Variants in PLXNA4 observed in about 807,000 individuals in gnomAD.
PLXNA4 encodes the protein plexin A4, also known as plexin-A4.
In PLXNA4, 44 loss-of-function variants were observed where a neutral mutation model predicts 191.8. The ratio of observed to expected loss-of-function variants is 0.23; its 90% CI spans 0.18 to 0.29. The LOEUF (loss-of-function observed/expected upper bound fraction) is 0.29. Ranked by LOEUF, PLXNA4 falls within the 10% of genes least tolerant of loss-of-function variation. PLXNA4 has a pLI of 1.00. For synonymous variants in PLXNA4, 1,082 were observed against 1,009.5 expected (o/e 1.07, Z -1.36); for missense variants, 1,800 against 2,488.8 (o/e 0.72, Z 5.89).
At chr7:132,462,497 T>C (rs10274066) in intron 3 of PLXNA4, among the ~76,000 whole-genome samples, 21,363 of 152,086 alleles carry the variant, frequency 0.14, 2,005 homozygotes, top group East Asian at 0.29. Context: ...AAAGTAGAGA[T>C]GAAAACATAA....
At chr7:132,312,361 G>A (rs1801778433) in intron 3 of PLXNA4, among the ~76,000 whole-genome samples, 1 of 152,088 alleles carries the variant, frequency 6.6e-6, no homozygotes, top group Non-Finnish European at 1.5e-5. Flanking sequence ...CCAGCTCTGA[G>A]GCACTGAGCA....
At chr7:132,196,708 C>T (rs945926400) in intron 13 of PLXNA4, among the ~76,000 whole-genome samples, 15 of 152,184 alleles carry the variant, frequency 9.9e-5, no homozygotes, top group African/African-American at 3.6e-4. Flanking sequence ...AAGTTTGTCC[C>T]AATTTCCCCT....
chr7:132,432,810 A>G (rs1249023678), intron 3 of PLXNA4, among the ~76,000 whole-genome samples: 2 of 152,252 alleles, frequency 1.3e-5, no homozygotes, highest in Admixed American at 6.5e-5. Context: ...CAAAGCCCCC[A>G]AAAGTAAAGG....
intron 4 of PLXNA4, among the ~76,000 whole-genome samples, chr7:132,241,961 C>G (rs1798893154): frequency 6.6e-6 from 1 of 152,186 alleles, no homozygotes. Flanking sequence ...CCTACATGCT[C>G]TTAAATATCT....
chr7:132,502,136 C>T (rs1257776499), intron 2 of PLXNA4, among the ~76,000 whole-genome samples: 2 of 152,196 alleles, frequency 1.3e-5, no homozygotes, highest in African/African-American at 2.4e-5. Flanking sequence ...CTGGCCATTC[C>T]GGATGCTCAC....
At chr7:132,581,523 C>T (rs1802402158), upstream of PLXNA4, among the ~76,000 whole-genome samples, 1 of 152,250 alleles carries the variant, frequency 6.6e-6, no homozygotes, top group Non-Finnish European at 1.5e-5. Flanking sequence ...CCATTTCATT[C>T]ACCACAAGTA....
chr7:132,227,601 C>T lies in PLXNA4; in HGVS notation c.1732G>A (p.Val578Ile). ...TCCGGGACATTGTACGTCTCCAGGA[C>T]CAGCTGTGAACAGCCAGGCGGGGGG... Reference protein sequence around the residue: ...ISVSQYNVLLVLETYNVPELS... With the variant: ...ISVSQYNVLLILETYNVPELS... The change falls in exon 7 of 32, where the codon GTC becomes ATC. Residue 578 changes from valine to isoleucine, a missense_variant. Transcript: ENST00000321063. The T allele has an allele frequency of 6.2e-7, 1 of 1,613,976 alleles. No individual in the cohort carries two copies. Among genetic ancestry groups the T allele is most frequent in the East Asian group, 2.2e-5 (1 of 44,862 alleles).
chr7:132,242,304 CTA>C (rs1207879872), intron 4 of PLXNA4, among the ~76,000 whole-genome samples: 1 of 152,104 alleles, frequency 6.6e-6, no homozygotes, highest in Non-Finnish European at 1.5e-5. Context: ...GCACAGAAAA[CTA>C]TAAACTGTGC....
At position 132,218,835 on chromosome 7, in the gene PLXNA4, A is replaced by G. The variant is rs1798051732; in HGVS notation, c.2097+4692T>C. ...TAACTGGAATATAGTTACTATAAAC[A>G]ACATATGTTATTGGGCATTCTATTT... On this transcript the variant is annotated intron_variant, in intron 9 of 31. Coordinates refer to ENST00000321063, the MANE Select transcript of PLXNA4 (RefSeq NM_020911.2). Among the ~76,000 whole-genome samples, 3 of 152,346 alleles carry G rather than the reference A, an allele frequency of 2.0e-5. No homozygotes were observed. In the South Asian group the frequency reaches 6.2e-4, roughly 32 times the overall value.
chr7:132,630,501 T>C (rs182266518), intron 2 of PLXNA4, among the ~76,000 whole-genome samples: 8 of 151,910 alleles, frequency 5.3e-5, no homozygotes, highest in East Asian at 3.9e-4. Context: ...TTGTCCACTT[T>C]GGGTTTTTTT....
intron 4 of PLXNA4, among the ~76,000 whole-genome samples, chr7:132,279,557 C>T (rs1800401464): frequency 6.6e-6 from 1 of 152,034 alleles, no homozygotes; most frequent in Non-Finnish European, 1.5e-5. Flanking sequence ...GTTGCTTGAG[C>T]CCGGTGGGGT....
At chr7:132,380,408 A>T (rs563792145) in intron 3 of PLXNA4, among the ~76,000 whole-genome samples, 3 of 152,130 alleles carry the variant, frequency 2.0e-5, no homozygotes, top group Admixed American at 6.6e-5. Flanking sequence ...CTGGTCCCTG[A>T]CATGGCTGTG....
chr7:132,369,034 C>G (rs1011496717), intron 3 of PLXNA4, among the ~76,000 whole-genome samples: 1 of 152,210 alleles, frequency 6.6e-6, no homozygotes, highest in Admixed American at 6.5e-5. Context: ...CCGCACACCT[C>G]CACATTTGAG....
At chr7:132,335,626 G>C (rs1802788501) in intron 3 of PLXNA4, among the ~76,000 whole-genome samples, 1 of 152,210 alleles carries the variant, frequency 6.6e-6, no homozygotes, top group African/African-American at 2.4e-5. Flanking sequence ...TCCATGAAAT[G>C]ACGAGTTTCT....
intron 4 of PLXNA4, among the ~76,000 whole-genome samples, chr7:132,249,706 G>A (rs1332528108): frequency 6.6e-6 from 1 of 152,238 alleles, no homozygotes; most frequent in Non-Finnish European, 1.5e-5. Flanking sequence ...AATGAAGTTG[G>A]GGGCTGGAGC....
Position 132,125,105 on chromosome 7 carries a change from G to T in PLXNA4, c.*5374C>A, listed in dbSNP as rs1442696304. ...CAGTGGATTACTTTCCAAATGAGAG[G>T]AGTGGTCATTTAGGTTTCCTGTCAA... is the stretch of plus-strand genomic sequence containing the variant. On this transcript the variant is annotated 3_prime_UTR_variant, in exon 32 of 32. Transcript: ENST00000321063. The T allele has an allele frequency of 2.0e-5, 3 of 152,124 alleles. No homozygotes were observed. The highest frequency in any genetic ancestry group is 4.4e-5 in the Non-Finnish European group (3 of 68,020). 9.4% of individuals were successfully genotyped at this position (152,124 alleles called of 1,614,324 possible). A position where few individuals can be genotyped will look rare whatever the true frequency, so the allele number is the denominator to read the frequency against.
In PLXNA4 at chr7:132,172,662, C is replaced by A. The variant is rs576585089; in HGVS notation, c.4017+2116G>T. 1.6e-3 allele frequency among the ~76,000 whole-genome samples: 248 copies of A among 152,234 alleles called. 3 individuals carry two copies. The highest frequency in any genetic ancestry group is 5.7e-3 in the African/African-American group (236 of 41,532). On this transcript the variant is annotated intron_variant, in intron 21 of 31. Coordinates refer to ENST00000321063, the MANE Select transcript of PLXNA4 (RefSeq NM_020911.2). ...ATAGAAGGCTGGATCTCACATAGCCCCCGGCTAATGCGGGCCAGTAAAAGT... is the reference window on the plus strand; with the variant it reads ...ATAGAAGGCTGGATCTCACATAGCCACCGGCTAATGCGGGCCAGTAAAAGT...
At chr7:132,427,958 T>C (rs1773588876) in intron 3 of PLXNA4, among the ~76,000 whole-genome samples, 1 of 152,162 alleles carries the variant, frequency 6.6e-6, no homozygotes, top group African/African-American at 2.4e-5. Context: ...GGGCATCCCC[T>C]CCACATCCCC....
chr7:132,404,006 T>G (rs1173281781), intron 3 of PLXNA4, among the ~76,000 whole-genome samples: 1 of 152,188 alleles, frequency 6.6e-6, no homozygotes, highest in East Asian at 1.9e-4. Flanking sequence ...TAGTTGGCCC[T>G]GCTGTTCTGG....
Sources: allele counts gnomAD v4.1 joint callset (sites outside exome capture counted in the v4.1 genomes callset), GRCh38; gene constraint gnomAD v4.1.1; transcripts MANE v1.5; gene names NCBI Gene and HGNC (gene_info 2026-07-23, HGNC 2026-07-21).